Variants in CECR2 observed in about 807,000 individuals in gnomAD.
The protein encoded by CECR2 is chromatin remodeling regulator CECR2.
CECR2 carries 30 observed loss-of-function variants against 154.5 expected under a neutral mutation model. The ratio of observed to expected loss-of-function variants is 0.19; its 90% confidence interval spans 0.15 to 0.26. The LOEUF is 0.26. Ranked by LOEUF, CECR2 falls within the 10% of genes least tolerant of loss-of-function variation. CECR2 has a pLI of 1.00. For synonymous variants in CECR2, 725 were observed against 683.7 expected, an observed-to-expected ratio of 1.06 and a Z score of -0.94; for missense variants, 1,743 against 1,829.3, an observed-to-expected ratio of 0.95 and a Z score of 0.86.
chr22:17,484,698 C>T (rs919937050), intron 2 of CECR2, among the ~76,000 whole-genome samples: 8 of 152,000 alleles, frequency 5.3e-5, no homozygotes, highest in South Asian at 2.1e-4. Flanking sequence ...GTCAGGAGTT[C>T]GAGACCACGT....
chr22:17,543,029 C>G, intron 16 of CECR2, 26 bp downstream of exon 16: 1 of 1,562,638 alleles, frequency 6.4e-7, no homozygotes, highest in South Asian at 1.2e-5. Flanking sequence ...ACTTTGGGCT[C>G]TTTAAGCTCT....
intron 8 of CECR2, among the ~76,000 whole-genome samples, chr22:17,514,177 G>A (rs2056010195): frequency 6.6e-6 from 1 of 152,202 alleles, no homozygotes; most frequent in Non-Finnish European, 1.5e-5. Flanking sequence ...AGTGAGGGGA[G>A]ACTGTCTCGC....
intron 1 of CECR2, among the ~76,000 whole-genome samples, chr22:17,462,544 A>T (rs531178617): frequency 6.6e-6 from 1 of 152,296 alleles, no homozygotes; most frequent in African/African-American, 2.4e-5. Flanking sequence ...AGCAAATTTA[A>T]TTGGGCAGAG....
chr22:17,411,617 A>T (rs990713943), intron 1 of CECR2, among the ~76,000 whole-genome samples: 1 of 152,242 alleles, frequency 6.6e-6, no homozygotes, highest in Non-Finnish European at 1.5e-5. Flanking sequence ...CTTCCCATTT[A>T]TCTGGTAAAA....
rs2055241357 is a variant in CECR2 at position 17,478,112 on chromosome 22, G to A, written c.221+430G>A. Among the ~76,000 whole-genome samples, 10 of 152,232 alleles carry A rather than the reference G, an allele frequency of 6.6e-5. 1 individual carries two copies. The South Asian group carries it at 2.1e-3, about 32-fold the overall frequency. ...AATAAAAAAAAAAGAGAGATGTGTA[G>A]AGACATTGAGCAAAATGTGATGTAT... is the stretch of plus-strand genomic sequence containing the variant. On this transcript the variant is annotated intron_variant, in intron 2 of 18. Coordinates refer to ENST00000262608, the MANE Select transcript of CECR2 (RefSeq NM_001290047.2).
At chr22:17,399,939 G>A (rs1403476033) in intron 1 of CECR2, among the ~76,000 whole-genome samples, 2 of 152,176 alleles carry the variant, frequency 1.3e-5, no homozygotes, top group Non-Finnish European at 1.5e-5. Flanking sequence ...ATGATGACAT[G>A]CTAATGCTCA....
chr22:17,362,575 T>C (rs1295700574), intron 1 of CECR2, among the ~76,000 whole-genome samples: 3 of 152,100 alleles, frequency 2.0e-5, no homozygotes, highest in Non-Finnish European at 4.4e-5. Flanking sequence ...GTTGATTACA[T>C]GTTGAAATAA....
rs2055232228 is a variant in CECR2, at chr22:17,477,661, G to A, written c.200G>A (p.Cys67Tyr). 1 of 1,611,498 alleles carries A rather than the reference G, an allele frequency of 6.2e-7. No homozygotes were observed. The highest frequency in any genetic ancestry group is 8.5e-7 in the Non-Finnish European group (1 of 1,177,696). Residue 67 changes from cysteine (C) to tyrosine (Y), a missense_variant, in exon 2 of 19, where the codon TGC becomes TAC. Around this residue, in one of 4 missense-constraint regions of CECR2, gnomAD observed 98 missense variants for 169.3 expected, o/e 0.58. Coordinates refer to ENST00000262608, the MANE Select transcript of CECR2 (RefSeq NM_001290047.2). ...SDLIACLLQG[C>Y]YQRRDITPQT... ...CTGATTGCCTGCCTGCTTCAGGGCTGCTATCAACGAAGAGATATCACGTGA... is the reference window on the plus strand; with the variant it reads ...CTGATTGCCTGCCTGCTTCAGGGCTACTATCAACGAAGAGATATCACGTGA...
intron 6 of CECR2, among the ~76,000 whole-genome samples, chr22:17,504,593 C>A (rs893025399): frequency 1.3e-5 from 2 of 150,328 alleles, no homozygotes; most frequent in African/African-American, 4.9e-5. Flanking sequence ...CCCGCCACCG[C>A]GCCCGGCTAA....
intron 1 of CECR2, among the ~76,000 whole-genome samples, chr22:17,474,469 C>A (rs996121568): frequency 1.3e-5 from 2 of 152,150 alleles, no homozygotes; most frequent in Non-Finnish European, 2.9e-5. Flanking sequence ...CTATTCGATT[C>A]TCCTTGGAAG....
chr22:17,474,946 T>C (rs2522292), intron 1 of CECR2, among the ~76,000 whole-genome samples: 11,537 of 152,214 alleles, frequency 0.076, 480 homozygotes, highest in Middle Eastern at 0.15. Flanking sequence ...TATTATTTAA[T>C]TTGGTACTTC....
intron 9 of CECR2, among the ~76,000 whole-genome samples, chr22:17,532,700 CTTTTTTTTTTTTTTTTT>C (rs695634): frequency 2.5e-4 from 9 of 35,792 alleles, no homozygotes; most frequent in South Asian, 1.7e-3. Flanking sequence ...CATTATTATT[CTTTTTTTTTTTTTTTTT>C]TTTTTTTTTT....
At position 17,554,657 on chromosome 22, in the gene CECR2, A is replaced by G. The variant is rs1304982991; in HGVS notation, c.*1817A>G. ...TGCCTCTAAGGTATAATGCACAAAA[A>G]TACAGATTTTCTCTCAGAGAGGTTT... On this transcript the variant is annotated 3_prime_UTR_variant, in exon 19 of 19. Transcript: ENST00000262608. 6.6e-6 allele frequency: 1 copy of G among 152,226 alleles called. No individual in the cohort carries two copies. Among genetic ancestry groups the G allele is most frequent in the East Asian group, 1.9e-4 (1 of 5,202 alleles). 9.4% of individuals were successfully genotyped at this position (152,226 alleles called of 1,614,324 possible). A position where few individuals can be genotyped will look rare whatever the true frequency, so the allele number is the denominator to read the frequency against.
At chr22:17,539,418 T>G (rs1390612599) in intron 13 of CECR2, among the ~76,000 whole-genome samples, 3 of 152,158 alleles carry the variant, frequency 2.0e-5, no homozygotes, top group Non-Finnish European at 4.4e-5. Flanking sequence ...TACATAGAGC[T>G]GACTCTTCAA....
intron 1 of CECR2, among the ~76,000 whole-genome samples, chr22:17,447,175 C>T (rs537079186): frequency 7.7e-4 from 117 of 151,810 alleles, no homozygotes; most frequent in Middle Eastern, 3.4e-3. Flanking sequence ...GCTGGGACTA[C>T]AGGTGCTGGC....
intron 1 of CECR2, chr22:17,419,518 A>C (rs1239430819): frequency 5.6e-6 from 1 of 177,084 alleles, no homozygotes; most frequent in Non-Finnish European, 1.1e-5. Context: ...GAGGAAGAAG[A>C]AGAAGAAGAA....
intron 2 of CECR2, among the ~76,000 whole-genome samples, chr22:17,491,872 T>C (rs1202439840): frequency 6.6e-6 from 1 of 152,252 alleles, no homozygotes; most frequent in Non-Finnish European, 1.5e-5. Flanking sequence ...TTGCAGATTC[T>C]GCCTTAACCA....
chr22:17,417,159 G>C (rs16982396), intron 1 of CECR2, among the ~76,000 whole-genome samples: 30,457 of 151,932 alleles, frequency 0.2, 4,181 homozygotes, highest in African/African-American at 0.39. Context: ...ATGCGTTTCA[G>C]AAGTTTCTGT....
Position 17,407,949 on chromosome 22 carries a change from C to T in CECR2, c.126+38040C>T, listed in dbSNP as rs114099732. Among the ~76,000 whole-genome samples the T allele has an allele frequency of 2.5e-3, 373 of 152,244 alleles. 1 individual carries two copies. The highest frequency in any genetic ancestry group is 8.5e-3 in the African/African-American group (355 of 41,566). On this transcript the variant is annotated intron_variant, in intron 1 of 18. Transcript: ENST00000262608. ...TGAGTTTTCATTAGAACATGGGTGT[C>T]CGAAACTGTACCTTTGGTGACTAAT... is the stretch of plus-strand genomic sequence containing the variant.
Sources: gnomAD v4.1 joint callset for allele counts (sites outside exome capture counted in the v4.1 genomes callset) on GRCh38, gnomAD v4.1.1 for gene constraint, gnomAD v4.1.1 regional missense constraint, MANE v1.5 for transcripts, NCBI Gene and HGNC (gene_info 2026-07-23, HGNC 2026-07-21) for gene names.